IRAG2: variants seen among roughly 807,000 people sequenced by gnomAD.
IRAG2 encodes the protein lymphoid restricted membrane protein.
Under a neutral mutation model 69.9 loss-of-function variants are expected in IRAG2, and 45 were observed. The ratio of observed to expected loss-of-function variants is 0.64; its 90% CI spans 0.51 to 0.83. The LOEUF is 0.83. Among genes scored for constraint, IRAG2 ranks in the 40% least tolerant of loss-of-function variants. The pLI is 0.00. For synonymous variants in IRAG2, 193 were observed against 202.4 expected, an observed-to-expected ratio of 0.95 and a Z score of 0.40; for missense variants, 520 against 587.0, an observed-to-expected ratio of 0.89 and a Z score of 1.18.
chr12:25,077,421 TTAAA>T (rs1240706969), intron 6 of IRAG2, among the ~76,000 whole-genome samples: 9 of 60,818 alleles, frequency 1.5e-4, no homozygotes, highest in South Asian at 6.3e-4. Context: ...AATAGTATAG[TTAAA>T]TAAACATAAA....
chr12:25,001,278 C>CA (rs368775915), upstream of IRAG2, among the ~76,000 whole-genome samples: 78 of 151,106 alleles, frequency 5.2e-4, no homozygotes, highest in African/African-American at 1.8e-3. Context: ...ACTAAAAGTA[C>CA]AAAAAAAATT....
chr12:25,001,229 TAGA>T (rs1354531372), upstream of IRAG2, among the ~76,000 whole-genome samples: 2 of 151,900 alleles, frequency 1.3e-5, no homozygotes, highest in African/African-American at 2.4e-5. Context: ...TAGAAGACAG[TAGA>T]AGAAAGCCTG....
intron 1 of IRAG2, among the ~76,000 whole-genome samples, chr12:25,053,820 C>T (rs1945032372): frequency 6.6e-6 from 1 of 151,042 alleles, no homozygotes; most frequent in African/African-American, 2.4e-5. Context: ...AATATATAAG[C>T]TTAAGGTAGG....
At chr12:25,020,486 A>G (rs1012645897) in intron 6 of IRAG2, among the ~76,000 whole-genome samples, 2 of 152,184 alleles carry the variant, frequency 1.3e-5, no homozygotes, top group African/African-American at 4.8e-5. Context: ...ACATCTTCTT[A>G]GTAGGGGGAA....
intron 9 of IRAG2, among the ~76,000 whole-genome samples, chr12:25,029,840 C>G (rs1944655340): frequency 6.6e-6 from 1 of 152,156 alleles, no homozygotes; most frequent in African/African-American, 2.4e-5. Context: ...GCCGCCATGC[C>G]AGGCTAAACT....
chr12:25,025,936 G>T (rs1944618090), intron 8 of IRAG2, among the ~76,000 whole-genome samples: 1 of 152,076 alleles, frequency 6.6e-6, no homozygotes, highest in South Asian at 2.1e-4. Flanking sequence ...TGAGCTAGGG[G>T]TTCGAAAATT....
In IRAG2 at chr12:25,108,179, T is replaced by TAAGA. The variant is rs1487000192; in HGVS notation, c.*120_*123dup. Reference sequence around the variant, plus strand: ...AAACCAGAGGTTCTCAGAATGACTGTAAGATAGCTTACATTTCCTCTTTTT... The same window carrying TAAGA: ...AAACCAGAGGTTCTCAGAATGACTGTAAGAAAGATAGCTTACATTTCCTCTTTTT... On this transcript the variant is annotated 3_prime_UTR_variant, in exon 22 of 22. Coordinates refer to ENST00000556887, the MANE Select transcript of IRAG2 (RefSeq NM_001366544.2). 4.5e-6 allele frequency: 5 copies of TAAGA among 1,119,590 alleles called. No individual in the cohort carries two copies. The African/African-American group carries it at 7.8e-5, about 17-fold the overall frequency. 69.4% of individuals were successfully genotyped at this position (1,119,590 alleles called of 1,614,324 possible).
At chr12:25,094,298 C>T (rs1447260039) in intron 14 of IRAG2, among the ~76,000 whole-genome samples, 9 of 152,030 alleles carry the variant, frequency 5.9e-5, no homozygotes, top group South Asian at 2.1e-4. Flanking sequence ...CATTCTTTTG[C>T]ATGTGGATAT....
Position 25,077,372 on chromosome 12 carries a change from A to T in IRAG2, c.25-1872A>T, listed in dbSNP as rs200613581. 3.6e-4 allele frequency among the ~76,000 whole-genome samples: 12 copies of T among 33,074 alleles called. 1 individual carries two copies. Among genetic ancestry groups the T allele is most frequent in the South Asian group, 1.3e-3 (1 of 752 alleles). The allele number at this position is 33,074 out of a possible 152,430, so 21.7% of individuals were successfully genotyped here. A position where few individuals can be genotyped will look rare whatever the true frequency, so the allele number is the denominator to read the frequency against. On this transcript the variant is annotated intron_variant, in intron 6 of 21. Coordinates refer to ENST00000556887, the MANE Select transcript of IRAG2 (RefSeq NM_001366544.2). ...TATATGATATATATGATATATATGAAATATATATATGATATATATATGAAA... is the reference window on the plus strand; with the variant it reads ...TATATGATATATATGATATATATGATATATATATATGATATATATATGAAA...
upstream of IRAG2, chr12:25,004,283 G>C: frequency 2.7e-6 from 3 of 1,101,650 alleles, no homozygotes; most frequent in Middle Eastern, 3.4e-4. Flanking sequence ...TTTTAAACAT[G>C]TATCTACTTT....
chr12:25,021,418 A>G (rs2139835853), intron 7 of IRAG2, among the ~76,000 whole-genome samples: 1 of 152,340 alleles, frequency 6.6e-6, no homozygotes, highest in African/African-American at 2.4e-5. Flanking sequence ...GAATTAAAAA[A>G]AATCTGTGAA....
intron 6 of IRAG2, 126 bp downstream of exon 6, chr12:25,069,557 G>C: frequency 2.5e-6 from 2 of 806,616 alleles, no homozygotes; most frequent in South Asian, 1.9e-5. Flanking sequence ...TAGCAAGTCT[G>C]AGTCTGCTAT....
chr12:25,086,872 G>A (rs530259844), intron 10 of IRAG2, among the ~76,000 whole-genome samples: 11 of 152,266 alleles, frequency 7.2e-5, no homozygotes, highest in Non-Finnish European at 4.4e-5. Context: ...GATCACGAAT[G>A]GGAGAGGAAG....
Position 25,064,963 on chromosome 12 carries a change from A to G in IRAG2, c.-207+1147A>G, listed in dbSNP as rs555486148. Among the ~76,000 whole-genome samples the G allele has an allele frequency of 5.3e-5, 8 of 152,114 alleles. No individual in the cohort carries two copies. The East Asian group carries it at 1.4e-3, about 26-fold the overall frequency. On this transcript the variant is annotated intron_variant, in intron 4 of 21. Transcript: ENST00000556887. ...AAATTAGCTGGGCATGGTGGTGCAC[A>G]CCTGTAGTCCCAGCTACTCAGGAGG...
intron 9 of IRAG2, among the ~76,000 whole-genome samples, chr12:25,082,553 C>G (rs1947291366): frequency 6.6e-6 from 1 of 151,614 alleles, no homozygotes; most frequent in Non-Finnish European, 1.5e-5. Flanking sequence ...TGAGCTGAGA[C>G]TGCGCCACTG....
At chr12:25,102,542 C>T in intron 17 of IRAG2, 1 of 347,628 alleles carries the variant, frequency 2.9e-6, no homozygotes, top group Non-Finnish European at 5.3e-6. Context: ...AGGGATCAGC[C>T]TCCTCCTTTC....
At chr12:25,021,097 T>TTTTTTTTCC (rs1944575823) in intron 7 of IRAG2, 1 of 369,566 alleles carries the variant, frequency 2.7e-6, no homozygotes, top group Non-Finnish European at 4.8e-6. Flanking sequence ...TTTTCTTTTT[T>TTTTTTTTCC]TTTTTTTCTT....
rs151268563 is a variant in IRAG2 at position 25,084,172 on chromosome 12, G to A, written c.315+679G>A. Among the ~76,000 whole-genome samples, 902 of 152,292 alleles carry A rather than the reference G, an allele frequency of 5.9e-3. 8 individuals carry two copies. The highest frequency in any genetic ancestry group is 0.02 in the African/African-American group (848 of 41,560). On this transcript the variant is annotated intron_variant, in intron 10 of 21. Coordinates refer to ENST00000556887, the MANE Select transcript of IRAG2 (RefSeq NM_001366544.2). Reference sequence around the variant, plus strand: ...AGAGATCGAGGTGGAAGGATTGCTTGAGCCTAAGAGTTTAAGGCCAGCCTG... The same window carrying A: ...AGAGATCGAGGTGGAAGGATTGCTTAAGCCTAAGAGTTTAAGGCCAGCCTG...
intron 2 of IRAG2, among the ~76,000 whole-genome samples, chr12:25,062,463 C>T (rs894404090): frequency 2.0e-5 from 3 of 152,190 alleles, no homozygotes; most frequent in Non-Finnish European, 2.9e-5. Context: ...TGTGAATCTA[C>T]CTCTTGGATT....
Sources: gnomAD v4.1 joint callset for allele counts (sites outside exome capture counted in the v4.1 genomes callset) on GRCh38, gnomAD v4.1.1 for gene constraint, MANE v1.5 for transcripts, NCBI Gene and HGNC (gene_info 2026-07-23, HGNC 2026-07-21) for gene names.